Variants in HMCN1 observed in about 807,000 individuals in gnomAD.
HMCN1 encodes the protein hemicentin 1, also known as hemicentin-1.
In HMCN1, 321 loss-of-function variants were observed where a neutral mutation model predicts 625.9. The observed-to-expected ratio is 0.51, with a 90% CI of 0.47 to 0.56. The LOEUF (loss-of-function observed/expected upper bound fraction) is 0.56. Among genes scored for constraint, HMCN1 ranks in the 20% least tolerant of loss-of-function variants. HMCN1 has a pLI of 0.00. For missense variants in HMCN1, 6,588 were observed against 6,887.3 expected, an observed-to-expected ratio of 0.96 and a Z score of 1.54; for synonymous variants, 2,425 against 2,417.6, an observed-to-expected ratio of 1.00 and a Z score of -0.09.
intron 103 of HMCN1, among the ~76,000 whole-genome samples, chr1:186,175,777 G>A (rs12119172): frequency 1.3e-5 from 2 of 151,214 alleles, no homozygotes; most frequent in Admixed American, 6.6e-5. Flanking sequence ...CCAGCTACTC[G>A]GCAGGCTGAG....
At chr1:185,936,709 A>G (rs958482365) in intron 11 of HMCN1, among the ~76,000 whole-genome samples, 6 of 152,214 alleles carry the variant, frequency 3.9e-5, no homozygotes, top group Non-Finnish European at 8.8e-5. Flanking sequence ...CCCACCAATG[A>G]AAATATTTGA....
intron 68 of HMCN1, among the ~76,000 whole-genome samples, chr1:186,100,001 G>A (rs2102434981): frequency 6.6e-6 from 1 of 152,134 alleles, no homozygotes; most frequent in South Asian, 2.1e-4. Context: ...AAAATGAATT[G>A]AAGAGGCTGC....
intron 19 of HMCN1, among the ~76,000 whole-genome samples, chr1:185,986,397 C>T (rs1652000161): frequency 6.6e-6 from 1 of 152,070 alleles, no homozygotes; most frequent in African/African-American, 2.4e-5. Context: ...CTCATCTTTC[C>T]AGAGGATGGA....
chr1:186,103,036 GA>G (rs1297774703), intron 68 of HMCN1, among the ~76,000 whole-genome samples: 4 of 151,984 alleles, frequency 2.6e-5, no homozygotes, highest in Non-Finnish European at 5.9e-5. Context: ...GTTCTGCATG[GA>G]AAAGATGATA....
At chr1:185,976,387 C>A (rs1230875919) in intron 15 of HMCN1, among the ~76,000 whole-genome samples, 1 of 152,116 alleles carries the variant, frequency 6.6e-6, no homozygotes, top group Non-Finnish European at 1.5e-5. Context: ...GGAGATGAGG[C>A]TGCAAAGTTG....
chr1:186,013,441 C>T (rs917647463), intron 30 of HMCN1, among the ~76,000 whole-genome samples: 7 of 152,060 alleles, frequency 4.6e-5, no homozygotes, highest in Non-Finnish European at 7.4e-5. Context: ...GTAGATCTTG[C>T]CTTAAGTTAT....
chr1:185,807,537 A>G (rs1659247518), intron 1 of HMCN1, among the ~76,000 whole-genome samples: 1 of 152,308 alleles, frequency 6.6e-6, no homozygotes, highest in Non-Finnish European at 1.5e-5. Flanking sequence ...TAGCATACAC[A>G]TATATGCTCC....
chr1:185,898,246 G>T (rs1050604359), intron 4 of HMCN1, among the ~76,000 whole-genome samples: 10 of 152,128 alleles, frequency 6.6e-5, no homozygotes, highest in African/African-American at 2.4e-4. Context: ...ACTGTGGGGA[G>T]TGACTCTTCT....
chr1:185,887,002 A>G (rs1045897271), intron 4 of HMCN1, among the ~76,000 whole-genome samples: 7 of 152,104 alleles, frequency 4.6e-5, no homozygotes, highest in Admixed American at 1.3e-4. Context: ...GCCCCCACAC[A>G]TGCTGGGTAC....
intron 11 of HMCN1, among the ~76,000 whole-genome samples, chr1:185,942,899 C>T (rs146549021): frequency 1.3e-5 from 2 of 151,968 alleles, no homozygotes; most frequent in African/African-American, 4.8e-5. Context: ...GCTGACAGAA[C>T]TCAAGAGGCA....
At chr1:185,773,304 T>C (rs1249576575) in intron 1 of HMCN1, among the ~76,000 whole-genome samples, 2 of 152,142 alleles carry the variant, frequency 1.3e-5, no homozygotes, top group African/African-American at 2.4e-5. Flanking sequence ...TGGTTCCAAA[T>C]GTCAGTACTT....
At chr1:185,918,992 C>A (rs1032848217) in intron 6 of HMCN1, among the ~76,000 whole-genome samples, 3 of 151,492 alleles carry the variant, frequency 2.0e-5, no homozygotes, top group African/African-American at 7.3e-5. Context: ...TTTAATATAA[C>A]CCACAGGTTG....
chr1:186,115,018 C>A, intron 74 of HMCN1, 72 bp downstream of exon 74: 4 of 1,599,370 alleles, frequency 2.5e-6, no homozygotes, highest in South Asian at 2.2e-5. Flanking sequence ...CTAGTGAGGT[C>A]ATAAAGATCT....
chr1:186,049,780 A>G (rs1182882972), intron 42 of HMCN1, among the ~76,000 whole-genome samples: 1 of 152,064 alleles, frequency 6.6e-6, no homozygotes, highest in Non-Finnish European at 1.5e-5. Flanking sequence ...CCAATGGAGA[A>G]CAAATACTTT....
Position 186,137,642 on chromosome 1 carries a change from G to C in HMCN1, c.13727G>C (p.Arg4576Pro). 1 of 1,613,980 alleles carries C rather than the reference G, an allele frequency of 6.2e-7. No individual in the cohort carries two copies. ...TGCCAAGGTTCAGATTTGGAAATGC[G>C]AAACTGTCAAAATAAGCCTTGTCCA... ...KPCQGSDLEM[R>P]NCQNKPCPVD... is the part of the protein sequence containing the mutation. The change falls in exon 88 of 107, where the codon CGA becomes CCA. Residue 4576 changes from arginine (R) to proline (P), a missense_variant. By Grantham distance (103) the Arg-to-Pro change is moderately radical. Coordinates refer to ENST00000271588, the MANE Select transcript of HMCN1 (RefSeq NM_031935.3).
chr1:186,165,012 T>G, intron 97 of HMCN1, 99 bp from the exon 98 acceptor site: 1 of 1,045,922 alleles, frequency 9.6e-7, no homozygotes, highest in East Asian at 2.4e-5. Flanking sequence ...ATCATGTGTT[T>G]CATCTTTGGC....
chr1:185,863,630 C>T (rs1344672734), intron 2 of HMCN1, among the ~76,000 whole-genome samples: 2 of 152,100 alleles, frequency 1.3e-5, no homozygotes, highest in South Asian at 2.1e-4. Flanking sequence ...AGTGTAAATA[C>T]AGCAAACTCA....
intron 1 of HMCN1, among the ~76,000 whole-genome samples, chr1:185,787,042 G>GTTCCTT (rs1354610016): frequency 1.3e-5 from 2 of 151,900 alleles, no homozygotes; most frequent in African/African-American, 2.4e-5. Context: ...GCTAGAATAT[G>GTTCCTT]TTCCTTTAAA....
intron 10 of HMCN1, among the ~76,000 whole-genome samples, chr1:185,932,362 G>A (rs1388095225): frequency 6.6e-6 from 1 of 152,002 alleles, no homozygotes; most frequent in Non-Finnish European, 1.5e-5. Flanking sequence ...TTCATTCTAG[G>A]CTTATGATAT....
Sources: allele counts gnomAD v4.1 joint callset (sites outside exome capture counted in the v4.1 genomes callset), GRCh38; gene constraint gnomAD v4.1.1; transcripts MANE v1.5; gene names NCBI Gene and HGNC (gene_info 2026-07-23, HGNC 2026-07-21).